The following PPFIBP1 variants were observed in gnomAD, a reference collection of about 807,000 sequenced individuals.
PPFIBP1 encodes PPFIB scaffold protein 1, also known as liprin-beta-1.
A neutral mutation model predicts 137.8 loss-of-function variants in PPFIBP1; 112 were observed. The ratio of observed to expected loss-of-function variants is 0.81; its 90% CI spans 0.70 to 0.95. The LOEUF (loss-of-function observed/expected upper bound fraction) is 0.95. PPFIBP1 is among the 40% of genes least tolerant of loss of function. PPFIBP1 has a pLI of 0.00. For missense variants in PPFIBP1, 1,083 were observed against 1,196.6 expected (o/e 0.91, Z 1.40); for synonymous variants, 378 against 417.3 (o/e 0.91, Z 1.15).
intron 2 of PPFIBP1, among the ~76,000 whole-genome samples, chr12:27,632,997 T>A (rs1382774076): frequency 6.6e-6 from 1 of 152,058 alleles, no homozygotes; most frequent in Non-Finnish European, 1.5e-5. Flanking sequence ...AGAGATTGGG[T>A]GGGGCTGGTA....
At chr12:27,678,535 A>G (rs2060659961) in intron 19 of PPFIBP1, among the ~76,000 whole-genome samples, 1 of 152,172 alleles carries the variant, frequency 6.6e-6, no homozygotes, top group African/African-American at 2.4e-5. Flanking sequence ...GACAGTATTA[A>G]TTAATATTAA....
chr12:27,637,483 A>C (rs1222988187), intron 4 of PPFIBP1, among the ~76,000 whole-genome samples: 1 of 152,230 alleles, frequency 6.6e-6, no homozygotes, highest in East Asian at 1.9e-4. Flanking sequence ...CCTAAAAGTA[A>C]CAATAACAAA....
intron 25 of PPFIBP1, 193 bp from the exon 26 acceptor site, chr12:27,688,105 C>A: frequency 1.6e-6 from 1 of 607,840 alleles, no homozygotes; most frequent in South Asian, 2.5e-5. Flanking sequence ...AAAAGACTTC[C>A]TTTCCTAAAG....
intron 4 of PPFIBP1, 149 bp downstream of exon 4, chr12:27,635,264 A>C: frequency 1.3e-6 from 1 of 745,106 alleles, no homozygotes; most frequent in Non-Finnish European, 2.2e-6. Context: ...TTTTCTTTTG[A>C]CTCTAAGGAT....
At chr12:27,637,658 G>C (rs1324401639) in intron 4 of PPFIBP1, among the ~76,000 whole-genome samples, 1 of 152,102 alleles carries the variant, frequency 6.6e-6, no homozygotes, top group Non-Finnish European at 1.5e-5. Flanking sequence ...AAAGAAGAAA[G>C]ACAGCAAAAG....
intron 23 of PPFIBP1, 30 bp downstream of exon 23, chr12:27,682,528 A>G (rs1013710965): frequency 1.1e-5 from 18 of 1,604,594 alleles, no homozygotes; most frequent in Non-Finnish European, 1.4e-5. Context: ...ACAAAATGAA[A>G]TAATTATATA....
intron 2 of PPFIBP1, among the ~76,000 whole-genome samples, chr12:27,603,324 A>C (rs185285325): frequency 8.5e-5 from 13 of 152,258 alleles, no homozygotes; most frequent in African/African-American, 3.1e-4. Flanking sequence ...ATGATTATAT[A>C]TGTGGGATGT....
chr12:27,653,292 A>G lies in PPFIBP1; in HGVS notation c.604-1430A>G, dbSNP rs539857669. ...AGGAATACATGCATGTCTTTGTAAA[A>G]AGAGAGAAGCTGGCCGGGCACAGTG... On this transcript the variant is annotated intron_variant, in intron 7 of 29. Transcript: ENST00000228425. Among the ~76,000 whole-genome samples the G allele has an allele frequency of 4.6e-5, 7 of 152,266 alleles. No homozygotes were observed. The South Asian group carries it at 1.5e-3, about 32-fold the overall frequency.
chr12:27,650,199 C>G lies in PPFIBP1; in HGVS notation c.603+58C>G, dbSNP rs1054652446. On this transcript the variant is annotated intron_variant, in intron 7 of 29. Coordinates refer to ENST00000228425, the MANE Select transcript of PPFIBP1 (RefSeq NM_003622.4). The stretch of plus-strand genomic sequence containing the variant: ...TCTCTCTGTCACTCTGTCTTTGTCT[C>G]TGACACACATACATTCCTAGGGCAA... 9 of 1,448,028 alleles carry G rather than the reference C, an allele frequency of 6.2e-6. No homozygotes were observed. In the African/African-American group the frequency reaches 1.1e-4, roughly 18 times the overall value. 89.7% of individuals were successfully genotyped at this position (1,448,028 alleles called of 1,614,324 possible).
chr12:27,542,914 A>G (rs1381187510), intron 1 of PPFIBP1, among the ~76,000 whole-genome samples: 1 of 152,222 alleles, frequency 6.6e-6, no homozygotes, highest in Non-Finnish European at 1.5e-5. Flanking sequence ...GATTTTTGGC[A>G]TCATTCATGG....
intron 1 of PPFIBP1, among the ~76,000 whole-genome samples, chr12:27,571,113 T>A (rs2050104820): frequency 6.6e-6 from 1 of 152,072 alleles, no homozygotes; most frequent in African/African-American, 2.4e-5. Context: ...AAAAAGCAGA[T>A]CCTTTAGTAT....
chr12:27,565,674 G>T (rs1260926320), intron 1 of PPFIBP1, among the ~76,000 whole-genome samples: 2 of 151,974 alleles, frequency 1.3e-5, no homozygotes, highest in Non-Finnish European at 2.9e-5. Flanking sequence ...TCTTTTCTTC[G>T]TTCTTTCATA....
In PPFIBP1 at chr12:27,667,159, T is replaced by A. The variant is rs781565947; in HGVS notation, c.992-7T>A. The A allele has an allele frequency of 7.7e-6, 12 of 1,552,738 alleles. No homozygotes were observed. Among genetic ancestry groups the A allele is most frequent in the Non-Finnish European group, 9.6e-6 (11 of 1,150,118 alleles). On this transcript the variant is annotated splice_polypyrimidine_tract_variant and splice_region_variant and intron_variant, in intron 12 of 29. Coordinates refer to ENST00000228425, the MANE Select transcript of PPFIBP1 (RefSeq NM_003622.4). ...TGTTGTCTTCTCTTTGTTTTATCTT[T>A]TCCTAGGCAAAGATGGAGAATATGA...
At chr12:27,599,371 C>T (rs1406177584) in intron 2 of PPFIBP1, 2 of 443,334 alleles carry the variant, frequency 4.5e-6, no homozygotes, top group African/African-American at 2.0e-5. Context: ...CACTATCAGC[C>T]CTCCTGCTTA....
chr12:27,662,828 G>A (rs991537047), intron 11 of PPFIBP1, among the ~76,000 whole-genome samples: 14 of 152,234 alleles, frequency 9.2e-5, no homozygotes, highest in African/African-American at 3.1e-4. Context: ...TTAGTGGGGA[G>A]TGAGACCCAT....
chr12:27,658,291 A>G (rs7973582), intron 9 of PPFIBP1, among the ~76,000 whole-genome samples: 104,527 of 152,018 alleles, frequency 0.69, 36,786 homozygotes, highest in East Asian at 0.87. Flanking sequence ...GGGATTGAGA[A>G]CAAGTCTTTA....
chr12:27,681,961 G>A (rs999133574), intron 22 of PPFIBP1, among the ~76,000 whole-genome samples: 3 of 149,760 alleles, frequency 2.0e-5, no homozygotes, highest in Non-Finnish European at 3.0e-5. Context: ...CATATTTCTC[G>A]AAATCATTGT....
intron 2 of PPFIBP1, among the ~76,000 whole-genome samples, chr12:27,585,185 A>G (rs1259623987): frequency 6.6e-6 from 1 of 152,232 alleles, no homozygotes. Context: ...AACATCTAGA[A>G]TATTTAGAAA....
chr12:27,595,912 TA>T (rs2053230018), intron 2 of PPFIBP1, among the ~76,000 whole-genome samples: 7 of 119,470 alleles, frequency 5.9e-5, no homozygotes, highest in Non-Finnish European at 9.1e-5. Context: ...TATATATATA[TA>T]TATATATATT....
Sources: allele counts gnomAD v4.1 joint callset (sites outside exome capture counted in the v4.1 genomes callset), GRCh38; gene constraint gnomAD v4.1.1; transcripts MANE v1.5; gene names NCBI Gene and HGNC (gene_info 2026-07-23, HGNC 2026-07-21).